The following PPP1R9A variants were observed in gnomAD, a reference collection of about 807,000 sequenced individuals.
PPP1R9A encodes neurabin-1.
Under a neutral mutation model 141.9 loss-of-function variants are expected in PPP1R9A, and 59 were observed. The observed-to-expected ratio is 0.42, with a 90% CI of 0.34 to 0.52. The LOEUF is 0.52. Ranked by LOEUF, PPP1R9A falls within the 20% of genes least tolerant of loss-of-function variation. PPP1R9A has a pLI of 0.10. For synonymous variants in PPP1R9A, 500 were observed against 569.7 expected, an observed-to-expected ratio of 0.88 and a Z score of 1.74; for missense variants, 1,444 against 1,611.9, an observed-to-expected ratio of 0.90 and a Z score of 1.78.
intron 12 of PPP1R9A, among the ~76,000 whole-genome samples, chr7:95,258,393 G>A (rs1003168457): frequency 2.0e-5 from 3 of 152,070 alleles, no homozygotes; most frequent in East Asian, 1.9e-4. Flanking sequence ...ATTTGTTTGA[G>A]TTCATTGTAG....
Position 94,984,645 on chromosome 7 carries a change from G to A in PPP1R9A, c.1395+73137G>A, listed in dbSNP as rs533562821. ...GAGGTGTTTATAGTATTCTCTGATG[G>A]TAGTTTGTATTTCCTTGAGATCGGT... is the stretch of plus-strand genomic sequence containing the variant. On this transcript the variant is annotated intron_variant, in intron 2 of 19. Transcript: ENST00000433360. Among the ~76,000 whole-genome samples the A allele has an allele frequency of 8.5e-5, 13 of 152,146 alleles. 1 individual carries two copies. In the South Asian group the frequency reaches 2.7e-3, roughly 32 times the overall value.
chr7:95,041,496 T>C (rs1809233859), intron 2 of PPP1R9A, among the ~76,000 whole-genome samples: 1 of 151,160 alleles, frequency 6.6e-6, no homozygotes, highest in Admixed American at 6.6e-5. Context: ...TTAAGAAGAA[T>C]GTGTTTTCAT....
At position 95,082,306 on chromosome 7, in the gene PPP1R9A, C is replaced by G. The variant is rs567982813; in HGVS notation, c.1396-28953C>G. Among the ~76,000 whole-genome samples, 3 of 152,304 alleles carry G rather than the reference C, an allele frequency of 2.0e-5. No individual in the cohort carries two copies. The South Asian group carries it at 6.2e-4, about 32-fold the overall frequency. The stretch of plus-strand genomic sequence containing the variant: ...GACACATTCTTGGGAATTCAGAAGA[C>G]TTACATGCATGTGTAGAGCTGTGAG... On this transcript the variant is annotated intron_variant, in intron 2 of 19. Transcript: ENST00000433360.
At chr7:95,151,889 A>G (rs562253923) in intron 4 of PPP1R9A, among the ~76,000 whole-genome samples, 1 of 122,126 alleles carries the variant, frequency 8.2e-6, no homozygotes, top group African/African-American at 3.1e-5. Context: ...GTTTGTTTTT[A>G]TTTTTTACAT....
chr7:95,268,750 T>C (rs553999833), intron 13 of PPP1R9A, 43 bp downstream of exon 13: 1 of 1,594,190 alleles, frequency 6.3e-7, no homozygotes, highest in East Asian at 2.2e-5. Flanking sequence ...TGTTGGAGTA[T>C]ATCATTGTTC....
At chr7:95,139,054 C>T (rs1584905010) in intron 4 of PPP1R9A, among the ~76,000 whole-genome samples, 1 of 152,118 alleles carries the variant, frequency 6.6e-6, no homozygotes, top group East Asian at 1.9e-4. Context: ...ATGTGAATGA[C>T]AACTTTATTC....
chr7:95,085,242 ATT>A (rs1816446559), intron 2 of PPP1R9A, among the ~76,000 whole-genome samples: 1 of 151,346 alleles, frequency 6.6e-6, no homozygotes. Flanking sequence ...TATTTCTCTT[ATT>A]TATATGAATT....
intron 5 of PPP1R9A, among the ~76,000 whole-genome samples, chr7:95,187,916 T>C (rs994525618): frequency 1.3e-5 from 2 of 152,126 alleles, no homozygotes; most frequent in Non-Finnish European, 2.9e-5. Context: ...TTGTTTAATT[T>C]ATTAATTTAT....
At chr7:95,081,200 A>G (rs1305961734) in intron 2 of PPP1R9A, among the ~76,000 whole-genome samples, 11 of 152,234 alleles carry the variant, frequency 7.2e-5, no homozygotes. Flanking sequence ...AATAGCCAGC[A>G]GTAACAGGGT....
chr7:95,205,965 G>GA (rs532847631), intron 7 of PPP1R9A, among the ~76,000 whole-genome samples: 40 of 149,440 alleles, frequency 2.7e-4, no homozygotes, highest in Admixed American at 6.7e-4. Flanking sequence ...TGTAAAACCA[G>GA]AAAAAAAAAC....
intron 2 of PPP1R9A, among the ~76,000 whole-genome samples, chr7:94,942,130 C>T (rs1474769099): frequency 6.6e-6 from 1 of 152,088 alleles, no homozygotes; most frequent in African/African-American, 2.4e-5. Context: ...AATATCATTT[C>T]TCCCACTTCT....
intron 2 of PPP1R9A, among the ~76,000 whole-genome samples, chr7:94,947,749 A>G (rs1230574698): frequency 6.6e-6 from 1 of 152,152 alleles, no homozygotes; most frequent in Non-Finnish European, 1.5e-5. Context: ...TTGAGTATAT[A>G]TGATAGTGAC....
intron 8 of PPP1R9A, among the ~76,000 whole-genome samples, chr7:95,233,120 A>G (rs909442594): frequency 1.3e-5 from 2 of 152,224 alleles, no homozygotes; most frequent in Non-Finnish European, 1.5e-5. Flanking sequence ...GAACCAACCC[A>G]AATGCCCATC....
At chr7:95,228,792 A>G (rs954818399) in intron 8 of PPP1R9A, among the ~76,000 whole-genome samples, 1 of 152,188 alleles carries the variant, frequency 6.6e-6, no homozygotes, top group Non-Finnish European at 1.5e-5. Context: ...ATCCAAGTTC[A>G]TGGAATATAT....
chr7:95,109,447 T>G (rs1372963685), intron 2 of PPP1R9A, among the ~76,000 whole-genome samples: 1 of 152,158 alleles, frequency 6.6e-6, no homozygotes, highest in Non-Finnish European at 1.5e-5. Context: ...TGTAAAATAT[T>G]GTTGAATGAA....
At chr7:95,153,368 A>G (rs1275157296) in intron 4 of PPP1R9A, among the ~76,000 whole-genome samples, 3 of 152,176 alleles carry the variant, frequency 2.0e-5, no homozygotes, top group Non-Finnish European at 2.9e-5. Flanking sequence ...GATATAAAAC[A>G]TTGTTAGAAT....
chr7:95,284,423 G>T, intron 17 of PPP1R9A, 93 bp downstream of exon 17: 1 of 1,187,030 alleles, frequency 8.4e-7, no homozygotes, highest in Non-Finnish European at 1.1e-6. Flanking sequence ...CTGTTTCATT[G>T]TAGATTGTAC....
At chr7:95,168,523 G>GAAAA (rs58105470) in intron 5 of PPP1R9A, among the ~76,000 whole-genome samples, 2 of 148,184 alleles carry the variant, frequency 1.3e-5, no homozygotes, top group Non-Finnish European at 3.0e-5. Flanking sequence ...CACAGGCAAT[G>GAAAA]AAAAAAAAAA....
At chr7:94,939,139 G>T (rs1175683483) in intron 2 of PPP1R9A, among the ~76,000 whole-genome samples, 1 of 152,160 alleles carries the variant, frequency 6.6e-6, no homozygotes. Flanking sequence ...TTGAGACTCA[G>T]CTCTGGTGCT....
Sources: gnomAD v4.1 joint callset for allele counts (sites outside exome capture counted in the v4.1 genomes callset) on GRCh38, gnomAD v4.1.1 for gene constraint, MANE v1.5 for transcripts, NCBI Gene and HGNC (gene_info 2026-07-23, HGNC 2026-07-21) for gene names.